RSAD2: variants seen among roughly 807,000 people sequenced by gnomAD.
RSAD2 encodes S-adenosylmethionine-dependent nucleotide dehydratase RSAD2.
A neutral mutation model predicts 37.7 loss-of-function variants in RSAD2; 38 were observed. That is an observed-to-expected ratio of 1.01 (90% CI 0.78 to 1.32). RSAD2 has a LOEUF of 1.32. Ranked by LOEUF, RSAD2 falls within the 40% of genes most tolerant of loss-of-function variation. The pLI, the probability that RSAD2 is intolerant of heterozygous loss-of-function variation, is 0.00. For missense variants in RSAD2, 428 were observed against 437.5 expected, an observed-to-expected ratio of 0.98 and a Z score of 0.19; for synonymous variants, 163 against 157.4, an observed-to-expected ratio of 1.04 and a Z score of -0.27.
intron 3 of RSAD2, among the ~76,000 whole-genome samples, chr2:6,889,743 C>T (rs960533715): frequency 6.6e-5 from 10 of 152,134 alleles, no homozygotes; most frequent in African/African-American, 1.2e-4. Context: ...GTTCTTAGGT[C>T]TTACATGAAA....
At chr2:6,875,558 C>T (rs141126376), upstream of RSAD2, among the ~76,000 whole-genome samples, 18 of 152,314 alleles carry the variant, frequency 1.2e-4, no homozygotes, top group East Asian at 1.9e-4. Flanking sequence ...GTACCCCTCA[C>T]GGGCAGTTGT....
Position 6,883,486 on chromosome 2 carries a change from C to A in RSAD2, c.462C>A (p.Ile154=). 1 of 1,614,122 alleles carries A rather than the reference C, an allele frequency of 6.2e-7. No individual in the cohort carries two copies. The highest frequency in any genetic ancestry group is 8.5e-7 in the Non-Finnish European group (1 of 1,180,034). Residue 154 remains isoleucine, a synonymous_variant, in exon 2 of 6, where the codon ATC becomes ATA. Transcript: ENST00000382040. ...AGTTGCGGCTGCCCAGCGTGAGCAT[C>A]GTGAGCAATGGAAGCCTGATCCGGG... ...KVELRLPSVS[I]VSNGSLIRER... is the part of the protein sequence containing the mutation.
intron 1 of RSAD2, among the ~76,000 whole-genome samples, chr2:6,882,213 A>G (rs986401821): frequency 6.6e-6 from 1 of 152,214 alleles, no homozygotes; most frequent in Non-Finnish European, 1.5e-5. Context: ...AAATAAAAAC[A>G]TCAAAAGAAG....
At chr2:6,877,471 TCAGA>T (rs1663305386), upstream of RSAD2, among the ~76,000 whole-genome samples, 1 of 152,200 alleles carries the variant, frequency 6.6e-6, no homozygotes, top group Admixed American at 6.5e-5. Flanking sequence ...TCTATCTCTA[TCAGA>T]CAGAGAGCTA....
intron 3 of RSAD2, 76 bp downstream of exon 3, chr2:6,887,240 AACAAT>A (rs1663542086): frequency 9.1e-7 from 1 of 1,095,252 alleles, no homozygotes; most frequent in Non-Finnish European, 1.4e-6. Flanking sequence ...TGAAACTGAA[AACAAT>A]ACTGATACAA....
chr2:6,867,302 C>T (rs1052970511), intron 1 of RSAD2, among the ~76,000 whole-genome samples: 5 of 152,308 alleles, frequency 3.3e-5, no homozygotes, highest in Admixed American at 3.3e-4. Context: ...TTTGCTTTTT[C>T]TGAGGCCTCT....
chr2:6,891,665 G>A (rs568099265), intron 4 of RSAD2, among the ~76,000 whole-genome samples: 54 of 152,266 alleles, frequency 3.5e-4, no homozygotes, highest in African/African-American at 1.2e-3. Flanking sequence ...TACTCGAGAG[G>A]CTGAGGCAGG....
At chr2:6,866,485 C>T (rs949890114) in intron 1 of RSAD2, 3 of 985,660 alleles carry the variant, frequency 3.0e-6, no homozygotes, top group Non-Finnish European at 3.6e-6. Flanking sequence ...GACTCTCCAA[C>T]TGGGAAGTGT....
At chr2:6,880,464 G>A (rs1356166558) in intron 1 of RSAD2, among the ~76,000 whole-genome samples, 3 of 152,128 alleles carry the variant, frequency 2.0e-5, no homozygotes, top group Admixed American at 6.5e-5. Flanking sequence ...TGCAGCTGCA[G>A]GCATACCCAC....
rs1192938627 is a variant in RSAD2 at position 6,878,106 on chromosome 2, T to C, written c.306T>C (p.Leu102=). ...CCAAAACATCCTTTGTGCTGCCCCTTGAGGAAGCAAAGAGAGGATTGCTTT... is the reference window on the plus strand; with the variant it reads ...CCAAAACATCCTTTGTGCTGCCCCTCGAGGAAGCAAAGAGAGGATTGCTTT... ...HTAKTSFVLP[L]EEAKRGLLLL... The change falls in exon 1 of 6, where the codon CTT becomes CTC. Residue 102 remains leucine, a synonymous_variant. Coordinates refer to ENST00000382040, the MANE Select transcript of RSAD2 (RefSeq NM_080657.5). 6.2e-7 allele frequency: 1 copy of C among 1,613,964 alleles called. No individual in the cohort carries two copies. The highest frequency in any genetic ancestry group is 1.7e-5 in the Admixed American group (1 of 59,998).
rs189344406 is a variant in RSAD2 at position 6,887,157 on chromosome 2, G to A, written c.731G>A (p.Arg244His). 1.8e-4 allele frequency: 285 copies of A among 1,611,214 alleles called. 3 individuals are homozygous for A. The highest frequency in any genetic ancestry group is 1.2e-4 in the Admixed American group (7 of 59,936). ...TEQIKALNPV[R>H]WKVFQCLLIE... ...CAGATCAAAGCACTAAACCCTGTCC[G>A]CTGGAAAGTAAGTACACAAGGTCGC... The change falls in exon 3 of 6, where the codon CGC becomes CAC. Residue 244 changes from arginine to histidine, a missense_variant. Coordinates refer to ENST00000382040, the MANE Select transcript of RSAD2 (RefSeq NM_080657.5).
At chr2:6,866,821 G>GT (rs61044752) in intron 1 of RSAD2, among the ~76,000 whole-genome samples, 135,352 of 149,604 alleles carry the variant, frequency 0.9, 62,176 homozygotes, top group East Asian at 0.99. Context: ...GCTGAAAGCA[G>GT]TTTTTTTTTT....
chr2:6,874,836 CTTATT>C (rs1482583217), upstream of RSAD2, among the ~76,000 whole-genome samples: 1 of 152,118 alleles, frequency 6.6e-6, no homozygotes, highest in African/African-American at 2.4e-5. Context: ...TGTGAGCATT[CTTATT>C]TTATTTCTGT....
At chr2:6,884,742 C>T (rs751144506) in intron 2 of RSAD2, among the ~76,000 whole-genome samples, 14 of 152,240 alleles carry the variant, frequency 9.2e-5, no homozygotes, top group South Asian at 4.2e-4. Flanking sequence ...CTGTGGAGAA[C>T]GGGAAGCATC....
chr2:6,870,988 A>G (rs750570431), intron 1 of RSAD2, among the ~76,000 whole-genome samples: 3 of 152,234 alleles, frequency 2.0e-5, no homozygotes, highest in Non-Finnish European at 4.4e-5. Flanking sequence ...TTTACTGGCC[A>G]AAGTGGGACT....
At chr2:6,865,973 C>T (rs1328192612) in exon 1 of RSAD2, 20 of 967,270 alleles carry the variant, frequency 2.1e-5, no homozygotes, top group South Asian at 5.6e-5. Context: ...CGCGGCTCCG[C>T]GGGCCTGCGC....
chr2:6,879,057 A>G (rs1232617356), intron 1 of RSAD2: 1 of 456,340 alleles, frequency 2.2e-6, no homozygotes, highest in South Asian at 1.5e-5. Flanking sequence ...CACTTGCTGG[A>G]CTTCTAACAC....
chr2:6,875,554 C>G (rs1185404827), upstream of RSAD2, among the ~76,000 whole-genome samples: 4 of 152,196 alleles, frequency 2.6e-5, no homozygotes, highest in African/African-American at 9.7e-5. Flanking sequence ...ACTAGTACCC[C>G]TCACGGGCAG....
At chr2:6,890,410 C>T (rs2305258) in intron 4 of RSAD2, 85 bp downstream of exon 4, 155,104 of 1,423,142 alleles carry the variant, frequency 0.11, 9,128 homozygotes, top group Non-Finnish European at 0.12. Flanking sequence ...AAGGACCCCA[C>T]ACATTGTTAT....
Sources: allele counts gnomAD v4.1 joint callset (sites outside exome capture counted in the v4.1 genomes callset), GRCh38; gene constraint gnomAD v4.1.1; transcripts MANE v1.5; gene names NCBI Gene and HGNC (gene_info 2026-07-23, HGNC 2026-07-21).